LIPE: variants seen among roughly 807,000 people sequenced by gnomAD.
The protein encoded by LIPE is lipase E, hormone sensitive type, also known as hormone-sensitive lipase.
A neutral mutation model predicts 88.5 loss-of-function variants in LIPE; 66 were observed. That is an observed-to-expected ratio of 0.75 (90% confidence interval 0.61 to 0.91). The LOEUF (loss-of-function observed/expected upper bound fraction) is 0.91. Among genes scored for constraint, LIPE ranks in the 40% least tolerant of loss-of-function variants. The probability of loss-of-function intolerance (pLI) is 0.00; values close to 1 mark genes in which losing one functional copy is unlikely to be tolerated. For missense variants in LIPE, 1,346 were observed against 1,434.7 expected, an observed-to-expected ratio of 0.94 and a Z score of 1.00; for synonymous variants, 570 against 617.5, an observed-to-expected ratio of 0.92 and a Z score of 1.14.
At position 42,422,974 on chromosome 19, in the gene LIPE, C is replaced by T. The variant is rs149816205; in HGVS notation, c.883+3293G>A. 85 of 172,252 alleles carry T rather than the reference C, an allele frequency of 4.9e-4. No individual in the cohort carries two copies. The East Asian group carries it at 0.014, about 28-fold the overall frequency. 10.7% of individuals were successfully genotyped at this position (172,252 alleles called of 1,614,324 possible). A position where few individuals can be genotyped will look rare whatever the true frequency, so the allele number is the denominator to read the frequency against. On this transcript the variant is annotated intron_variant, in intron 1 of 9. Coordinates refer to ENST00000244289, the MANE Select transcript of LIPE (RefSeq NM_005357.4). ...TCTCCACTATGGGCACCCCTTCCTC[C>T]TACCTCTCCTTGACTCACCGCTAGA...
intron 2 of LIPE, among the ~76,000 whole-genome samples, chr19:42,409,682 A>G (rs1376119483): frequency 1.3e-5 from 2 of 152,224 alleles, no homozygotes; most frequent in East Asian, 1.9e-4. Flanking sequence ...ATGCCTGGCT[A>G]TTGTGGCTGG....
At chr19:42,403,418 G>A (rs2040062244) in intron 8 of LIPE, among the ~76,000 whole-genome samples, 1 of 151,684 alleles carries the variant, frequency 6.6e-6, no homozygotes, top group African/African-American at 2.4e-5. Context: ...ATTAGGTACC[G>A]CTACCCACTG....
intron 8 of LIPE, 87 bp downstream of exon 8, chr19:42,405,298 C>G (rs1013557754): frequency 3.6e-6 from 5 of 1,399,022 alleles, no homozygotes; most frequent in South Asian, 1.4e-5. Flanking sequence ...AACCACCATG[C>G]CCAGCATCTT....
chr19:42,401,718 C>G lies in LIPE; in HGVS notation c.*94G>C. 5 of 653,340 alleles carry G rather than the reference C, an allele frequency of 7.7e-6. No individual in the cohort carries two copies. Among genetic ancestry groups the G allele is most frequent in the Non-Finnish European group, 1.1e-5 (5 of 445,752 alleles). The allele number at this position is 653,340 out of a possible 1,614,324, so 40.5% of individuals were successfully genotyped here. Reference sequence around the variant, plus strand: ...GGGCCCCCGCCCCGCCCCCTTGCCACCCCCGACTTAAGTAAGGCACAGCCC... The same window carrying G: ...GGGCCCCCGCCCCGCCCCCTTGCCAGCCCCGACTTAAGTAAGGCACAGCCC... On this transcript the variant is annotated 3_prime_UTR_variant, in exon 10 of 10. Coordinates refer to ENST00000244289, the MANE Select transcript of LIPE (RefSeq NM_005357.4).
At chr19:42,405,088 G>A (rs182904856) in intron 8 of LIPE, among the ~76,000 whole-genome samples, 8 of 151,960 alleles carry the variant, frequency 5.3e-5, no homozygotes, top group Non-Finnish European at 1.0e-4. Context: ...GGCTGGTCTC[G>A]AACTCCTGAC....
intron 1 of LIPE, among the ~76,000 whole-genome samples, chr19:42,417,985 ATT>A (rs34206230): frequency 1.8e-4 from 26 of 142,690 alleles, no homozygotes; most frequent in Non-Finnish European, 1.7e-4. Context: ...ACTGACCCCC[ATT>A]TTTTTTTTTT....
intron 1 of LIPE, chr19:42,424,162 TC>T (rs1288321844): frequency 2.7e-6 from 3 of 1,117,780 alleles, no homozygotes; most frequent in Non-Finnish European, 2.3e-6. Flanking sequence ...GGGATCTTTC[TC>T]CCTCTGTCTC....
chr19:42,420,228 G>A (rs2040570952), intron 1 of LIPE, among the ~76,000 whole-genome samples: 1 of 152,038 alleles, frequency 6.6e-6, no homozygotes, highest in Non-Finnish European at 1.5e-5. Flanking sequence ...TCTCTGCTGT[G>A]TTTCTGTGTG....
At position 42,402,699 on chromosome 19, in the gene LIPE, G is replaced by A. The variant is rs201344756; in HGVS notation, c.2875C>T (p.Leu959Phe). ...RSSQGATQMP[L>F]YSSPIVKNPF... ...TTCTTGACTATGGGTGAGGAGTAGA[G>A]GGGCATCTGTGTGGCACCCTGGCTG... is the stretch of plus-strand genomic sequence containing the variant. Residue 959 changes from leucine to phenylalanine, a missense_variant, in exon 9 of 10, where the codon CTC becomes TTC. By Grantham distance (22) the Leu-to-Phe change is conservative. Transcript: ENST00000244289. 1.8e-5 allele frequency: 27 copies of A among 1,532,958 alleles called. No individual in the cohort carries two copies. The East Asian group carries it at 4.3e-4, about 25-fold the overall frequency. The allele number at this position is 1,532,958 out of a possible 1,614,324, so 95.0% of individuals were successfully genotyped here.
chr19:42,413,582 T>C (rs537825909), intron 1 of LIPE, among the ~76,000 whole-genome samples: 9 of 152,258 alleles, frequency 5.9e-5, no homozygotes, highest in Admixed American at 3.9e-4. Flanking sequence ...AGGAGAATGG[T>C]GTGAACCTGG....
chr19:42,403,708 C>T (rs1370854167), intron 8 of LIPE, among the ~76,000 whole-genome samples: 2 of 152,126 alleles, frequency 1.3e-5, no homozygotes, highest in Non-Finnish European at 2.9e-5. Flanking sequence ...TCGCCTCGGC[C>T]TCCCATAGTG....
chr19:42,426,814 G>GGCA lies in LIPE; in HGVS notation c.333_335dup (p.Ala112dup). 1.2e-6 allele frequency: 2 copies of GGCA among 1,614,114 alleles called. No individual in the cohort carries two copies. The highest frequency in any genetic ancestry group is 2.2e-5 in the South Asian group (2 of 91,076). ...TTCCTAGCCCAGGTCCCTGCTGGGA[G>GGCA]GCAGCTTCCTGTTGAGTGAGCAGCA... On this transcript the variant is annotated inframe_insertion, in exon 1 of 10. Transcript: ENST00000244289.
At chr19:42,405,293 C>T in intron 8 of LIPE, 92 bp downstream of exon 8, 1 of 1,354,724 alleles carries the variant, frequency 7.4e-7, no homozygotes, top group East Asian at 2.4e-5. Context: ...GTCTGAACCA[C>T]CATGCCCAGC....
At chr19:42,418,184 T>C (rs995034741) in intron 1 of LIPE, among the ~76,000 whole-genome samples, 2 of 152,146 alleles carry the variant, frequency 1.3e-5, no homozygotes, top group East Asian at 3.9e-4. Flanking sequence ...GGTTTTACCA[T>C]GTTGGCCAGG....
rs762958852 is a variant in LIPE at position 42,423,420 on chromosome 19, T to A, written c.883+2847A>T. On this transcript the variant is annotated intron_variant, in intron 1 of 9. Coordinates refer to ENST00000244289, the MANE Select transcript of LIPE (RefSeq NM_005357.4). ...TGCTGCCGGTCTCCGCGCGCTCACCTTTGGCCTTGTCTTTTCGCCACCGCC... is the reference window on the plus strand; with the variant it reads ...TGCTGCCGGTCTCCGCGCGCTCACCATTGGCCTTGTCTTTTCGCCACCGCC... 5.4e-6 allele frequency: 7 copies of A among 1,289,552 alleles called. No homozygotes were observed. In the South Asian group the frequency reaches 8.6e-5, roughly 16 times the overall value. 79.9% of individuals were successfully genotyped at this position (1,289,552 alleles called of 1,614,324 possible). A position where few individuals can be genotyped will look rare whatever the true frequency, so the allele number is the denominator to read the frequency against.
intron 9 of LIPE, 24 bp downstream of exon 9, chr19:42,402,583 G>A (rs2040016721): frequency 2.0e-6 from 3 of 1,471,660 alleles, no homozygotes; most frequent in Non-Finnish European, 2.7e-6. Flanking sequence ...AAATGCACCT[G>A]TACCGGCCCC....
intron 1 of LIPE, among the ~76,000 whole-genome samples, chr19:42,420,808 TCACA>T (rs2040583599): frequency 6.6e-6 from 1 of 152,176 alleles, no homozygotes; most frequent in Non-Finnish European, 1.5e-5. Flanking sequence ...ACAAATCTGT[TCACA>T]CACTTCCAAC....
Position 42,419,672 on chromosome 19 carries a change from TAAGGAGGGCGGTGGGG to T in LIPE, c.883+6579_883+6594del, listed in dbSNP as rs2040556615. On this transcript the variant is annotated intron_variant, in intron 1 of 9. Coordinates refer to ENST00000244289, the MANE Select transcript of LIPE (RefSeq NM_005357.4). ...CCGACTCCTGGGGACTGAGCAGGGG[TAAGGAGGGCGGTGGGG>T]AAGGAAGTGGGGTGGGGGTGGATGG... 9.6e-5 allele frequency among the ~76,000 whole-genome samples: 6 copies of T among 62,216 alleles called. No homozygotes were observed. The South Asian group carries it at 2.6e-3, about 27-fold the overall frequency. 40.8% of individuals were successfully genotyped at this position (62,216 alleles called of 152,430 possible). A position where few individuals can be genotyped will look rare whatever the true frequency, so the allele number is the denominator to read the frequency against.
rs1332000857 is a variant in LIPE at position 42,408,000 on chromosome 19, G to GTTCCAGAAGGCT, written c.1620_1631dup (p.Lys540_Trp543dup). 6 of 1,613,422 alleles carry GTTCCAGAAGGCT rather than the reference G, an allele frequency of 3.7e-6. No homozygotes were observed. Among genetic ancestry groups the GTTCCAGAAGGCT allele is most frequent in the Non-Finnish European group, 4.2e-6 (5 of 1,179,840 alleles). On this transcript the variant is annotated inframe_insertion, in exon 4 of 10. Coordinates refer to ENST00000244289, the MANE Select transcript of LIPE (RefSeq NM_005357.4). The surrounding 1 kb of genome is among the most constrained non-coding windows in gnomAD (Gnocchi z 5.8). ...CCGATAGCACTTCCATCTCGGTGAT[G>GTTCCAGAAGGCT]TTCCAGAAGGCTTTCCAGAAGTGCA... is the stretch of plus-strand genomic sequence containing the variant.
Sources: gnomAD v4.1 joint callset for allele counts (sites outside exome capture counted in the v4.1 genomes callset) on GRCh38, gnomAD v4.1.1 for gene constraint, Gnocchi (gnomAD v3.1) non-coding constraint, MANE v1.5 for transcripts, NCBI Gene and HGNC (gene_info 2026-07-23, HGNC 2026-07-21) for gene names.